The following POU2F1 variants were observed in gnomAD, a reference collection of about 807,000 sequenced individuals.
POU2F1 encodes the protein POU class 2 homeobox 1, also known as POU domain, class 2, transcription factor 1.
A neutral mutation model predicts 84.9 loss-of-function variants in POU2F1; 16 were observed. The observed-to-expected ratio is 0.19, with a 90% CI of 0.13 to 0.29. POU2F1 has a LOEUF of 0.29. POU2F1 is among the 10% of genes least tolerant of loss of function. POU2F1 has a pLI of 1.00. For missense variants in POU2F1, 738 were observed against 942.6 expected (o/e 0.78, Z 2.84); for synonymous variants, 368 against 368.3 (o/e 1.00, Z 0.01).
chr1:167,346,615 A>G (rs150587442), intron 2 of POU2F1, among the ~76,000 whole-genome samples: 170 of 152,268 alleles, frequency 1.1e-3, no homozygotes, highest in Non-Finnish European at 1.8e-3. Flanking sequence ...TCCCTCGCAT[A>G]CACTGTTCAC....
At chr1:167,236,116 T>C (rs963939494) in intron 1 of POU2F1, among the ~76,000 whole-genome samples, 51 of 152,178 alleles carry the variant, frequency 3.4e-4, no homozygotes, top group Admixed American at 2.9e-3. Context: ...GACATCTTTT[T>C]TTTTTTAGAC....
chr1:167,322,007 T>G (rs1656345788), intron 1 of POU2F1, among the ~76,000 whole-genome samples: 1 of 152,220 alleles, frequency 6.6e-6, no homozygotes, highest in South Asian at 2.1e-4. Flanking sequence ...TTGATATACT[T>G]CAGAGGCTTT....
At position 167,396,421 on chromosome 1, in the gene POU2F1, G is replaced by T; in HGVS notation, c.1123G>T (p.Asp375Tyr). 6.2e-7 allele frequency: 1 copy of T among 1,613,770 alleles called. No individual in the cohort carries two copies. The highest frequency in any genetic ancestry group is 8.5e-7 in the Non-Finnish European group (1 of 1,179,770). Reference protein sequence around the residue: ...LKPLLEKWLNDAENLSSDSSL... With the variant: ...LKPLLEKWLNYAENLSSDSSL... The stretch of plus-strand genomic sequence containing the variant: ...GCCACTTTTAGAGAAGTGGCTAAAT[G>T]ATGCAGGTAAGTGACTGTATAAGAC... The change falls in exon 10 of 16, where the codon GAT becomes TAT. Residue 375 changes from aspartate to tyrosine, a missense_variant. Physicochemically the swap from Asp to Tyr is radical, Grantham distance 160. Around this residue, in one of 4 missense-constraint regions of POU2F1, gnomAD observed 95 missense variants for 195.1 expected, o/e 0.49. Coordinates refer to ENST00000367866, the MANE Select transcript of POU2F1 (RefSeq NM_002697.4).
chr1:167,331,692 C>T (rs1657093199), intron 1 of POU2F1, among the ~76,000 whole-genome samples: 2 of 151,992 alleles, frequency 1.3e-5, no homozygotes, highest in African/African-American at 2.4e-5. Flanking sequence ...CCTAATATTG[C>T]TTGATGAAAA....
rs1281485131 is a variant in POU2F1 at position 167,256,513 on chromosome 1, TGAG to T, written c.61+35558_61+35560del. Among the ~76,000 whole-genome samples the T allele has an allele frequency of 2.6e-5, 4 of 152,062 alleles. No individual in the cohort carries two copies. In the East Asian group the frequency reaches 7.7e-4, roughly 29 times the overall value. ...CATAACTTTTTAGATGAAGAATTGT[TGAG>T]GATATTCACACCAAATAACTTTGAA... On this transcript the variant is annotated intron_variant, in intron 1 of 15. Transcript: ENST00000367866.
At chr1:167,392,956 GTAAA>G (rs1371871622) in intron 9 of POU2F1, among the ~76,000 whole-genome samples, 11 of 152,098 alleles carry the variant, frequency 7.2e-5, no homozygotes, top group Non-Finnish European at 1.5e-4. Flanking sequence ...TATTCTCTGT[GTAAA>G]TATACACATT....
At chr1:167,351,540 A>AAAG (rs1658578117) in intron 2 of POU2F1, among the ~76,000 whole-genome samples, 1 of 143,910 alleles carries the variant, frequency 6.9e-6, no homozygotes, top group African/African-American at 2.8e-5. Flanking sequence ...AAAAAAAAAA[A>AAAG]AAAGAAAGAA....
chr1:167,359,495 C>T (rs961146773), intron 2 of POU2F1, among the ~76,000 whole-genome samples: 1 of 152,108 alleles, frequency 6.6e-6, no homozygotes, highest in Non-Finnish European at 1.5e-5. Flanking sequence ...CAGCTGCATC[C>T]GTATTACTGC....
chr1:167,333,537 T>G (rs970983836), intron 2 of POU2F1, among the ~76,000 whole-genome samples: 8 of 152,190 alleles, frequency 5.3e-5, no homozygotes, highest in Non-Finnish European at 8.8e-5. Context: ...TGAGTTGGAC[T>G]AATGTAGCAG....
At chr1:167,359,356 T>C (rs1659197552) in intron 2 of POU2F1, among the ~76,000 whole-genome samples, 1 of 152,154 alleles carries the variant, frequency 6.6e-6, no homozygotes, top group Non-Finnish European at 1.5e-5. Context: ...CTCCTTCCCT[T>C]CCCCCTTTTG....
intron 6 of POU2F1, 72 bp from the exon 7 acceptor site, chr1:167,375,949 AGTCATCAG>A (rs1660297038): frequency 1.3e-6 from 2 of 1,493,714 alleles, no homozygotes; most frequent in South Asian, 2.3e-5. Flanking sequence ...ATGTGACAGA[AGTCATCAG>A]CTGGAAGCCT....
intron 1 of POU2F1, among the ~76,000 whole-genome samples, chr1:167,252,856 C>T (rs980357914): frequency 2.0e-5 from 3 of 152,306 alleles, no homozygotes; most frequent in East Asian, 3.9e-4. Context: ...TGTAATGACA[C>T]TGGGAAGAAA....
chr1:167,224,364 A>G (rs1288654482), intron 1 of POU2F1, among the ~76,000 whole-genome samples: 1 of 152,140 alleles, frequency 6.6e-6, no homozygotes, highest in African/African-American at 2.4e-5. Context: ...CAGAGTTGAG[A>G]ATGAGGGCTG....
At chr1:167,245,913 C>T (rs576370842) in intron 1 of POU2F1, among the ~76,000 whole-genome samples, 18 of 152,252 alleles carry the variant, frequency 1.2e-4, no homozygotes, top group African/African-American at 4.1e-4. Context: ...GGTAGTCATT[C>T]AGTCTGAACA....
intron 9 of POU2F1, among the ~76,000 whole-genome samples, chr1:167,390,853 G>C (rs1648346507): frequency 6.6e-6 from 1 of 152,118 alleles, no homozygotes. Context: ...GAGGGTGATG[G>C]AGACAGGCAT....
At chr1:167,373,964 G>A in intron 5 of POU2F1, 144 bp from the exon 6 acceptor site, 3 of 707,142 alleles carry the variant, frequency 4.2e-6, no homozygotes, top group South Asian at 3.3e-5. Context: ...GATCACTGAT[G>A]AACATTTTAG....
chr1:167,353,320 T>C (rs113536090), intron 2 of POU2F1, among the ~76,000 whole-genome samples: 5 of 152,118 alleles, frequency 3.3e-5, no homozygotes, highest in African/African-American at 1.2e-4. Context: ...TTCAATACTT[T>C]ACATTTTTCT....
chr1:167,231,994 C>T (rs2102342851), intron 1 of POU2F1, among the ~76,000 whole-genome samples: 1 of 152,176 alleles, frequency 6.6e-6, no homozygotes, highest in South Asian at 2.1e-4. Context: ...ACTCGTGTGC[C>T]CTCCTCCCCC....
intron 1 of POU2F1, among the ~76,000 whole-genome samples, chr1:167,222,581 C>T (rs777527357): frequency 9.9e-5 from 15 of 152,004 alleles, no homozygotes; most frequent in Admixed American, 1.3e-4. Flanking sequence ...CTAGCAGTTG[C>T]CTAGGCCTCA....
Sources: gnomAD v4.1 joint callset for allele counts (sites outside exome capture counted in the v4.1 genomes callset) on GRCh38, gnomAD v4.1.1 for gene constraint, gnomAD v4.1.1 regional missense constraint, MANE v1.5 for transcripts, NCBI Gene and HGNC (gene_info 2026-07-23, HGNC 2026-07-21) for gene names.